BLTP3A: variants seen among roughly 807,000 people sequenced by gnomAD.
The protein encoded by BLTP3A is ICBP90 binding protein 1.
chr6:34,835,904 C>T, the BLTP3A span, among the ~76,000 whole-genome samples: 5 of 152,078 alleles, frequency 3.3e-5, no homozygotes, highest in Admixed American at 6.5e-5. Context: ...ACCTGGTGGG[C>T]GAGAGCTGGG....
the BLTP3A span, among the ~76,000 whole-genome samples, chr6:34,807,440 A>G: frequency 1.3e-5 from 2 of 152,232 alleles, no homozygotes; most frequent in Non-Finnish European, 2.9e-5. Flanking sequence ...AGGAAAGAAG[A>G]CTGGCTCAAG....
chr6:34,867,245 C>G, the BLTP3A span: 1 of 1,613,212 alleles, frequency 6.2e-7, no homozygotes, highest in Non-Finnish European at 8.5e-7. Context: ...AGAATCTGTT[C>G]CACCAGGATC....
the BLTP3A span, among the ~76,000 whole-genome samples, chr6:34,818,000 T>C: frequency 1.3e-5 from 2 of 152,128 alleles, no homozygotes; most frequent in Non-Finnish European, 2.9e-5. Context: ...ACTACAGTCA[T>C]GCGCCACCAC....
chr6:34,836,326 T>C, the BLTP3A span: 6 of 1,614,106 alleles, frequency 3.7e-6, no homozygotes, highest in Non-Finnish European at 5.1e-6. Flanking sequence ...ACATTTGTGA[T>C]GATAGCCAGT....
At chr6:34,797,583 C>T in the BLTP3A span, among the ~76,000 whole-genome samples, 9 of 152,208 alleles carry the variant, frequency 5.9e-5, no homozygotes, top group African/African-American at 2.2e-4. Flanking sequence ...GTTCTTTTTA[C>T]ACTAGACTTT....
At chr6:34,841,995 G>A in the BLTP3A span, among the ~76,000 whole-genome samples, 2 of 152,008 alleles carry the variant, frequency 1.3e-5, no homozygotes, top group Non-Finnish European at 2.9e-5. Context: ...GAGAATTTTA[G>A]TCATTTATAT....
the BLTP3A span, among the ~76,000 whole-genome samples, chr6:34,806,768 C>A: frequency 6.6e-6 from 1 of 152,174 alleles, no homozygotes; most frequent in South Asian, 2.1e-4. Context: ...TCAAGCGATT[C>A]TTCTGCCTCA....
At chr6:34,793,818 T>C in the BLTP3A span, among the ~76,000 whole-genome samples, 2 of 152,232 alleles carry the variant, frequency 1.3e-5, no homozygotes, top group South Asian at 2.1e-4. Context: ...ATTTTAGGGC[T>C]TAGAGATGAT....
At chr6:34,848,024 A>T in the BLTP3A span, among the ~76,000 whole-genome samples, 1 of 138,848 alleles carries the variant, frequency 7.2e-6, no homozygotes, top group African/African-American at 2.7e-5. Flanking sequence ...GGCTCAGATG[A>T]TCCTCCAACC....
chr6:34,822,176 C>CA, the BLTP3A span, among the ~76,000 whole-genome samples: 10 of 152,036 alleles, frequency 6.6e-5, no homozygotes, highest in East Asian at 1.2e-3. Context: ...CAGGACTTCT[C>CA]AGTTGTTTTC....
the BLTP3A span, chr6:34,876,792 G>C: frequency 6.6e-6 from 1 of 152,154 alleles, no homozygotes; most frequent in Non-Finnish European, 1.5e-5. Flanking sequence ...CCTCTGGGTA[G>C]GTATAGGTAG....
At chr6:34,833,170 A>T in the BLTP3A span, among the ~76,000 whole-genome samples, 1 of 152,162 alleles carries the variant, frequency 6.6e-6, no homozygotes, top group African/African-American at 2.4e-5. Flanking sequence ...AGATCAAAAT[A>T]TTGCAGGGTG....
At chr6:34,821,915 A>G in the BLTP3A span, 1 of 1,614,240 alleles carries the variant, frequency 6.2e-7, no homozygotes, top group Admixed American at 1.7e-5. Flanking sequence ...TTCCTCTTTC[A>G]GATCCAGTGG....
chr6:34,853,598 T>C, the BLTP3A span, among the ~76,000 whole-genome samples: 1 of 152,034 alleles, frequency 6.6e-6, no homozygotes, highest in African/African-American at 2.4e-5. Context: ...TCTTGCTCTG[T>C]CACCTAGGCT....
At chr6:34,857,722 A>G in the BLTP3A span, 2 of 1,611,434 alleles carry the variant, frequency 1.2e-6, no homozygotes, top group Non-Finnish European at 1.7e-6. Context: ...TCTGCTTTCC[A>G]GTTCCTTGTC....
chr6:34,795,559 G>A, the BLTP3A span, among the ~76,000 whole-genome samples: 1 of 149,078 alleles, frequency 6.7e-6, no homozygotes, highest in South Asian at 2.1e-4. Context: ...CACCACACCC[G>A]GCTGATTTTT....
chr6:34,835,266 A>T, the BLTP3A span: 1 of 1,609,002 alleles, frequency 6.2e-7, no homozygotes, highest in South Asian at 1.1e-5. Flanking sequence ...CGAGGTGATA[A>T]ACCCCATGTT....
chr6:34,810,439 TCA>T, the BLTP3A span, among the ~76,000 whole-genome samples: 1 of 152,240 alleles, frequency 6.6e-6, no homozygotes, highest in African/African-American at 2.4e-5. Flanking sequence ...TACAACATTA[TCA>T]CAGCAGTATA....
chr6:34,847,780 C>A, the BLTP3A span, among the ~76,000 whole-genome samples: 4 of 146,054 alleles, frequency 2.7e-5, no homozygotes, highest in Admixed American at 1.4e-4. Context: ...TTTTCAATTT[C>A]ATTTATTTCT....
Sources: gnomAD v4.1 joint callset for allele counts (sites outside exome capture counted in the v4.1 genomes callset) on GRCh38, gnomAD v4.1.1 for gene constraint, MANE v1.5 for transcripts, NCBI Gene and HGNC (gene_info 2026-07-23, HGNC 2026-07-21) for gene names.